HGFAC: variants seen among roughly 807,000 people sequenced by gnomAD.
HGFAC encodes the protein HGF activator.
In HGFAC, 76 loss-of-function variants were observed where a neutral mutation model predicts 70.6. The observed-to-expected ratio is 1.08, with a 90% CI of 0.89 to 1.30. The LOEUF (loss-of-function observed/expected upper bound fraction) is 1.30. HGFAC is among the 50% of genes most tolerant of loss of function. The pLI is 0.00. For synonymous variants in HGFAC, 464 were observed against 405.3 expected, an observed-to-expected ratio of 1.14 and a Z score of -1.74; for missense variants, 1,044 against 933.7, an observed-to-expected ratio of 1.12 and a Z score of -1.54.
rs1725335105 is a variant in HGFAC, at chr4:3,442,098, TTCCAGCCCCAGCC to T, written c.99_111del (p.Phe33LeufsTer24). ...GCTGCTGCTGCTGCTGCCACGGGGG[TTCCAGCCCCAGCC>T]TGGCGGGGTGAGCACTGACCTTGTC... On this transcript the variant is annotated frameshift_variant, in exon 1 of 14. Coordinates refer to ENST00000382774, the MANE Select transcript of HGFAC (RefSeq NM_001528.4). LOFTEE classifies it high-confidence loss of function. 1 of 1,559,142 alleles carries T rather than the reference TTCCAGCCCCAGCC, an allele frequency of 6.4e-7. No homozygotes were observed. Among genetic ancestry groups the T allele is most frequent in the African/African-American group, 1.4e-5 (1 of 71,572 alleles).
In HGFAC at chr4:3,444,041, G is replaced by A; in HGVS notation, c.478G>A (p.Ala160Thr). The A allele has an allele frequency of 1.9e-6, 3 of 1,596,636 alleles. No homozygotes were observed. Among genetic ancestry groups the A allele is most frequent in the Admixed American group, 1.8e-5 (1 of 56,514 alleles). Reference sequence around the variant, plus strand: ...CACCCCCTCCCGCATGTCCCCAGCTGCCCTGGATCCCTGTGCCTCCGGCCC... The same window carrying A: ...CACCCCCTCCCGCATGTCCCCAGCTACCCTGGATCCCTGTGCCTCCGGCCC... ...EATPPPGGPA[A>T]LDPCASGPCL... Residue 160 changes from alanine (A) to threonine (T), a missense_variant and splice_region_variant, in exon 5 of 14, where the codon GCC becomes ACC. Coordinates refer to ENST00000382774, the MANE Select transcript of HGFAC (RefSeq NM_001528.4).
At chr4:3,443,270 C>A in intron 3 of HGFAC, 71 bp from the exon 4 acceptor site, 2 of 1,402,176 alleles carry the variant, frequency 1.4e-6, no homozygotes, top group Non-Finnish European at 1.9e-6. Context: ...ACCCAGAGAC[C>A]CTCCAGGGTG....
At chr4:3,446,557 G>T (rs570822824) in intron 10 of HGFAC, among the ~76,000 whole-genome samples, 1 of 152,112 alleles carries the variant, frequency 6.6e-6, no homozygotes, top group Non-Finnish European at 1.5e-5. Flanking sequence ...CAGCGCCTGC[G>T]GAGAGTGCAG....
At chr4:3,441,135 C>T (rs1725294393), upstream of HGFAC, among the ~76,000 whole-genome samples, 1 of 152,156 alleles carries the variant, frequency 6.6e-6, no homozygotes, top group Non-Finnish European at 1.5e-5. The surrounding 1 kb of genome is among the most constrained non-coding windows in gnomAD (Gnocchi z 6.0). Context: ...GCTCTGCCCA[C>T]AGCCCCAAGT....
chr4:3,445,715 C>A, intron 9 of HGFAC: 1 of 710,116 alleles, frequency 1.4e-6, no homozygotes, highest in Non-Finnish European at 2.3e-6. Context: ...TCCCTAGGAC[C>A]CCGGCGGGGC....
At chr4:3,441,502 C>T (rs1346523267), upstream of HGFAC, among the ~76,000 whole-genome samples, 3 of 152,162 alleles carry the variant, frequency 2.0e-5, no homozygotes, top group African/African-American at 7.2e-5. This position sits in a 1 kb window ranked among gnomAD's most constrained non-coding sequence, Gnocchi z 6.0. Flanking sequence ...CTCCAGGAGC[C>T]CCCAGTGCTG....
In HGFAC at chr4:3,443,340, G is replaced by A. The variant is rs1368358339; in HGVS notation, c.396-1G>A. 6.5e-7 allele frequency: 1 copy of A among 1,542,776 alleles called. No individual in the cohort carries two copies. Among genetic ancestry groups the A allele is most frequent in the Non-Finnish European group, 8.7e-7 (1 of 1,143,134 alleles). On this transcript the variant is annotated splice_acceptor_variant, in intron 3 of 13. Transcript: ENST00000382774. LOFTEE classifies it high-confidence loss of function. ...CCATGCACGCAGGTGTCGCCCCCCAGGTGTGCCACAACTCACAACTACGAC... is the reference window on the plus strand; with the variant it reads ...CCATGCACGCAGGTGTCGCCCCCCAAGTGTGCCACAACTCACAACTACGAC...
chr4:3,441,487 G>T (rs558802915), upstream of HGFAC, among the ~76,000 whole-genome samples: 1 of 152,198 alleles, frequency 6.6e-6, no homozygotes, highest in East Asian at 1.9e-4. This position sits in a 1 kb window ranked among gnomAD's most constrained non-coding sequence, Gnocchi z 6.0. Context: ...ATGCAGCACC[G>T]AACCCTCCAG....
In HGFAC at chr4:3,448,035, A is replaced by G. The variant is rs1012985591; in HGVS notation, c.1636A>G (p.Asn546Asp). The change falls in exon 12 of 14, where the codon AAC (asparagine) becomes GAC (aspartate). Residue 546 changes from asparagine (N) to aspartate (D), a missense_variant and splice_region_variant. By Grantham distance (23) the Asn-to-Asp change is conservative (BLOSUM62 1). Transcript: ENST00000382774. ...TGCGGGCTGGGGCCACTTGGATGAG[A>G]GTGAGTTGGGAGGGGGGCGCCCAGC... The part of the protein sequence containing the change: ...QIAGWGHLDE[N>D]VSGYSSSLRE... The G allele has an allele frequency of 6.4e-7, 1 of 1,553,992 alleles. No homozygotes were observed. The highest frequency in any genetic ancestry group is 8.7e-7 in the Non-Finnish European group (1 of 1,149,674).
Position 3,445,274 on chromosome 4 carries a change from C to T in HGFAC, c.1026C>T (p.Asp342=). Residue 342 remains aspartate, a synonymous_variant, in exon 9 of 14, where the codon GAC becomes GAT. Transcript: ENST00000382774. ...LGPHAYCRNP[D]NDERPWCYVV... ...CACTTATGCACCGCAGGAATCCGGACAATGACGAGAGGCCCTGGTGCTACG... is the reference window on the plus strand; with the variant it reads ...CACTTATGCACCGCAGGAATCCGGATAATGACGAGAGGCCCTGGTGCTACG... The T allele has an allele frequency of 1.3e-6, 2 of 1,579,818 alleles. No homozygotes were observed. Among genetic ancestry groups the T allele is most frequent in the East Asian group, 2.3e-5 (1 of 42,562 alleles).
chr4:3,443,443 T>G, intron 4 of HGFAC, 23 bp downstream of exon 4: 1 of 1,394,744 alleles, frequency 7.2e-7, no homozygotes, highest in Non-Finnish European at 9.4e-7. Flanking sequence ...TTGGGTAGCC[T>G]GGGGCGGGCA....
chr4:3,446,029 C>T lies in HGFAC; in HGVS notation c.1103-13C>T, dbSNP rs1195173396. The T allele has an allele frequency of 6.2e-7, 1 of 1,606,754 alleles. No homozygotes were observed. Among genetic ancestry groups the T allele is most frequent in the Non-Finnish European group, 8.5e-7 (1 of 1,176,622 alleles). On this transcript the variant is annotated splice_polypyrimidine_tract_variant and intron_variant, in intron 9 of 13. Coordinates refer to ENST00000382774, the MANE Select transcript of HGFAC (RefSeq NM_001528.4). ...GAACCCCAGGGGTGTGACCCGGTGA[C>T]CTTTGCTCCCAGAATCCCTCACCAG...
At chr4:3,448,379 C>G (rs1725605898) in intron 13 of HGFAC, 103 bp downstream of exon 13, 1 of 1,402,352 alleles carries the variant, frequency 7.1e-7, no homozygotes, top group Admixed American at 2.2e-5. Flanking sequence ...TGGCGGCACC[C>G]CAACCTGGCA....
Position 3,448,050 on chromosome 4 carries a change from G to C in HGFAC, c.1636+15G>C, listed in dbSNP as rs745704052. 5 of 1,554,802 alleles carry C rather than the reference G, an allele frequency of 3.2e-6. No individual in the cohort carries two copies. The African/African-American group carries it at 6.8e-5, about 21-fold the overall frequency. ...CTTGGATGAGAGTGAGTTGGGAGGG[G>C]GGCGCCCAGCGCCCCGCCAGGGTGG... is the stretch of plus-strand genomic sequence containing the variant. On this transcript the variant is annotated intron_variant, in intron 12 of 13. Transcript: ENST00000382774.
chr4:3,447,492 C>G lies in HGFAC; in HGVS notation c.1356C>G (p.Ser452Arg), dbSNP rs1388174422. 6.2e-7 allele frequency: 1 copy of G among 1,611,880 alleles called. No individual in the cohort carries two copies. Among genetic ancestry groups the G allele is most frequent in the Admixed American group, 1.7e-5 (1 of 59,996 alleles). ...GCAGCCTCCAGCCCCCCTTGCACAG[C>G]CCCCCCAGGGACAGCGTCTCCGTGG... ...VVSAAHCFSH[S>R]PPRDSVSVVL... Residue 452 changes from serine to arginine, a missense_variant and splice_region_variant, in exon 11 of 14, where the codon AGC becomes AGG. By Grantham distance (110) the Ser-to-Arg change is moderately radical. Coordinates refer to ENST00000382774, the MANE Select transcript of HGFAC (RefSeq NM_001528.4).
rs1211132370 is a variant in HGFAC, at chr4:3,444,446, C to T, written c.730+4C>T. 1.6e-5 allele frequency: 26 copies of T among 1,588,526 alleles called. No individual in the cohort carries two copies. Among genetic ancestry groups the T allele is most frequent in the Admixed American group, 6.9e-5 (4 of 57,612 alleles). The stretch of plus-strand genomic sequence containing the variant: ...TGCGAAGGCACCCGACATACAGGTG[C>T]GCCACGGGGTGTGAGCCGTGCCACT... On this transcript the variant is annotated splice_donor_region_variant and intron_variant, in intron 6 of 13. Transcript: ENST00000382774.
At position 3,442,861 on chromosome 4, in the gene HGFAC, C is replaced by G. The variant is rs140025700; in HGVS notation, c.247C>G (p.Leu83Val). ...PEAEGPQSGG[L>V]PPPPRAVPSS... ...GGCAGAGGGACCCCAAAGTGGGGGGCTCCCGCCCCCGCCCAGGGCAGTTCC... is the reference window on the plus strand; with the variant it reads ...GGCAGAGGGACCCCAAAGTGGGGGGGTCCCGCCCCCGCCCAGGGCAGTTCC... Residue 83 changes from leucine to valine, a missense_variant, in exon 2 of 14, where the codon CTC becomes GTC. Leu to Val is a conservative substitution (Grantham distance 32). Coordinates refer to ENST00000382774, the MANE Select transcript of HGFAC (RefSeq NM_001528.4). 2.5e-6 allele frequency: 4 copies of G among 1,574,940 alleles called. No homozygotes were observed. The highest frequency in any genetic ancestry group is 1.4e-5 in the African/African-American group (1 of 72,754).
At position 3,447,648 on chromosome 4, in the gene HGFAC, C is replaced by T. The variant is rs747530513; in HGVS notation, c.1495+17C>T. On this transcript the variant is annotated intron_variant, in intron 11 of 13. Transcript: ENST00000382774. ...ACGACCTCGGTGAGCTCCGGCGTGT[C>T]GTGGCTGCACTCTGGGCAGGTGGGC... 23 of 1,611,578 alleles carry T rather than the reference C, an allele frequency of 1.4e-5. No individual in the cohort carries two copies. The highest frequency in any genetic ancestry group is 2.7e-5 in the African/African-American group (2 of 74,932).
At chr4:3,444,591 C>A in intron 6 of HGFAC, 32 bp from the exon 7 acceptor site, 1 of 1,555,830 alleles carries the variant, frequency 6.4e-7, no homozygotes, top group Non-Finnish European at 8.7e-7. Flanking sequence ...CACTGCGCGG[C>A]CCCTGGCCCA....
Sources: gnomAD v4.1 joint callset for allele counts (sites outside exome capture counted in the v4.1 genomes callset) on GRCh38, gnomAD v4.1.1 for gene constraint, Gnocchi (gnomAD v3.1) non-coding constraint, MANE v1.5 for transcripts, NCBI Gene and HGNC (gene_info 2026-07-23, HGNC 2026-07-21) for gene names.